JCAD: variants seen among roughly 807,000 people sequenced by gnomAD.
The protein encoded by JCAD is junctional cadherin 5 associated, also known as junctional cadherin 5-associated protein.
Under a neutral mutation model 98.0 loss-of-function variants are expected in JCAD, and 40 were observed. That is an observed-to-expected ratio of 0.41 (90% CI 0.32 to 0.53). JCAD has a LOEUF of 0.53. JCAD is among the 20% of genes least tolerant of loss of function. JCAD has a pLI of 0.31. For synonymous variants in JCAD, 691 were observed against 682.3 expected, an observed-to-expected ratio of 1.01 and a Z score of -0.20; for missense variants, 1,705 against 1,738.1, an observed-to-expected ratio of 0.98 and a Z score of 0.34.
At chr10:30,031,023 T>C (rs944886890) in intron 2 of JCAD, among the ~76,000 whole-genome samples, 2 of 151,134 alleles carry the variant, frequency 1.3e-5, no homozygotes, top group African/African-American at 4.9e-5. Context: ...ATGGTAAGCA[T>C]CACCCAGTGG....
At chr10:30,043,500 A>C (rs1837280813) in intron 2 of JCAD, among the ~76,000 whole-genome samples, 1 of 152,140 alleles carries the variant, frequency 6.6e-6, no homozygotes, top group Middle Eastern at 3.2e-3. Flanking sequence ...CCTTCCATGT[A>C]TGCTCCCTTT....
rs1307005544 is a variant in JCAD, at chr10:30,014,375, AT to A, written c.*3507del. ...AACAATGCTCCCCAACGCTAAAGTA[AT>A]TGCTTCTAAGAACTTAGGACATGGG... On this transcript the variant is annotated 3_prime_UTR_variant, in exon 4 of 4. Transcript: ENST00000375377. 1.3e-5 allele frequency: 2 copies of A among 152,202 alleles called. No individual in the cohort carries two copies. Among genetic ancestry groups the A allele is most frequent in the African/African-American group, 4.8e-5 (2 of 41,452 alleles). 9.4% of individuals were successfully genotyped at this position (152,202 alleles called of 1,614,324 possible). A position where few individuals can be genotyped will look rare whatever the true frequency, so the allele number is the denominator to read the frequency against.
rs1837276920 is a variant in JCAD at position 30,043,263 on chromosome 10, C to A, written c.281+4269G>T. Among the ~76,000 whole-genome samples the A allele has an allele frequency of 2.0e-5, 3 of 151,830 alleles. No individual in the cohort carries two copies. In the South Asian group the frequency reaches 6.2e-4, roughly 31 times the overall value. ...TGTATGCTCAAAAATCTCATCAAAG[C>A]TTCATGTTTGTGTTTTGTTTTTTTT... is the stretch of plus-strand genomic sequence containing the variant. On this transcript the variant is annotated intron_variant, in intron 2 of 3. Transcript: ENST00000375377.
At chr10:30,108,009 G>A (rs554983188) in intron 1 of JCAD, among the ~76,000 whole-genome samples, 1 of 152,166 alleles carries the variant, frequency 6.6e-6, no homozygotes, top group East Asian at 1.9e-4. Flanking sequence ...TATGTCAGGA[G>A]CCCTATCTTA....
chr10:30,055,077 A>G (rs1174287933), intron 1 of JCAD, among the ~76,000 whole-genome samples: 3 of 152,246 alleles, frequency 2.0e-5, no homozygotes, highest in African/African-American at 7.2e-5. Flanking sequence ...GCTCTAGTAT[A>G]TGGTACATGT....
At chr10:30,045,212 T>C (rs1450003746) in intron 2 of JCAD, among the ~76,000 whole-genome samples, 1 of 152,090 alleles carries the variant, frequency 6.6e-6, no homozygotes, top group Non-Finnish European at 1.5e-5. Context: ...GCGGCCACAC[T>C]GCCCACACAG....
chr10:30,101,319 G>T (rs7072779), intron 1 of JCAD, among the ~76,000 whole-genome samples: 1 of 152,168 alleles, frequency 6.6e-6, no homozygotes, highest in African/African-American at 2.4e-5. Context: ...TGAAGCAGGA[G>T]AATTTCTTGA....
intron 1 of JCAD, among the ~76,000 whole-genome samples, chr10:30,050,523 T>C (rs1837447335): frequency 6.6e-6 from 1 of 151,884 alleles, no homozygotes; most frequent in Admixed American, 6.6e-5. Flanking sequence ...TAAAAGCAAA[T>C]TGCACTGTAC....
At chr10:30,077,523 C>T (rs937914692) in intron 1 of JCAD, among the ~76,000 whole-genome samples, 1 of 152,184 alleles carries the variant, frequency 6.6e-6, no homozygotes, top group African/African-American at 2.4e-5. Context: ...ACCATCATGA[C>T]TATTCATTTC....
rs1159523198 is a variant in JCAD at position 30,082,866 on chromosome 10, A to AC, written n.129-13046_129-13045insG. On this transcript the variant is annotated intron_variant and non_coding_transcript_variant, in intron 1 of 2. Transcript: ENST00000465712. ...AACTCTGTCTCAAAAAAAAAAAAAA[A>AC]AAAAAAAAAAACAAAAAATTAGCTG... Among the ~76,000 whole-genome samples, 291 of 148,850 alleles carry AC rather than the reference A, an allele frequency of 2.0e-3. 1 individual carries two copies. Among genetic ancestry groups the AC allele is most frequent in the African/African-American group, 7.0e-3 (280 of 40,248 alleles).
intron 1 of JCAD, among the ~76,000 whole-genome samples, chr10:30,079,667 A>T (rs1472860679): frequency 6.6e-6 from 1 of 151,948 alleles, no homozygotes; most frequent in Non-Finnish European, 1.5e-5. Flanking sequence ...CAACGTGGCC[A>T]CTCCTACTGA....
rs931931413 is a variant in JCAD, at chr10:30,013,388, T to G, written c.*4495A>C. 1.3e-5 allele frequency: 2 copies of G among 152,210 alleles called. No homozygotes were observed. The highest frequency in any genetic ancestry group is 2.4e-5 in the African/African-American group (1 of 41,460). The allele number at this position is 152,210 out of a possible 1,614,324, so 9.4% of individuals were successfully genotyped here. A position where few individuals can be genotyped will look rare whatever the true frequency, so the allele number is the denominator to read the frequency against. On this transcript the variant is annotated 3_prime_UTR_variant, in exon 4 of 4. Coordinates refer to ENST00000375377, the MANE Select transcript of JCAD (RefSeq NM_020848.4). ...TTTAGAAGTCCCCCCGAGATGTTTC[T>G]GCTTAACTTCTCTGACAGGCCTGAC...
intron 1 of JCAD, among the ~76,000 whole-genome samples, chr10:30,092,054 A>ATATAT (rs1564469851): frequency 5.1e-4 from 13 of 25,688 alleles, no homozygotes; most frequent in African/African-American, 1.9e-3. Context: ...AAAAAAAAAA[A>ATATAT]AAAAAAAAAA....
chr10:30,070,124 G>A (rs547140637), intron 1 of JCAD, among the ~76,000 whole-genome samples: 1 of 152,240 alleles, frequency 6.6e-6, no homozygotes, highest in Admixed American at 6.5e-5. Flanking sequence ...GTGGTTTGGA[G>A]GAAGGCCACC....
chr10:30,109,121 A>G (rs1303689605), intron 1 of JCAD, among the ~76,000 whole-genome samples: 2 of 152,026 alleles, frequency 1.3e-5, no homozygotes, highest in Non-Finnish European at 2.9e-5. Flanking sequence ...ATGCTTGGTT[A>G]TCTTGATAAT....
At chr10:30,082,851 CAAAAAAAAAAAA>C (rs57450219) in intron 1 of JCAD, among the ~76,000 whole-genome samples, 6 of 68,392 alleles carry the variant, frequency 8.8e-5, no homozygotes, top group African/African-American at 2.8e-4. Context: ...AACTCTGTCT[CAAAAAAAAAAAA>C]AAAAAAAAAA....
rs1180148880 is a variant in JCAD, at chr10:30,014,097, ACC to A, written c.*3784_*3785del. ...CTTAGTGTGGTGGGTCCCAGAGTGG[ACC>A]AACCCACACTCCTGGAGAAGGACCT... On this transcript the variant is annotated 3_prime_UTR_variant, in exon 4 of 4. Transcript: ENST00000375377. 2 of 152,134 alleles carry A rather than the reference ACC, an allele frequency of 1.3e-5. No homozygotes were observed. The highest frequency in any genetic ancestry group is 2.9e-5 in the Non-Finnish European group (2 of 68,012). 9.4% of individuals were successfully genotyped at this position (152,134 alleles called of 1,614,324 possible).
Position 30,110,885 on chromosome 10 carries a change from C to A in JCAD, n.128+4482G>T, listed in dbSNP as rs575429202. Reference sequence around the variant, plus strand: ...TGATGTATAGACCCCAATGTATAGACCAGCTGATGTGTGAACATCCTGATG... The same window carrying A: ...TGATGTATAGACCCCAATGTATAGAACAGCTGATGTGTGAACATCCTGATG... On this transcript the variant is annotated intron_variant and non_coding_transcript_variant, in intron 1 of 2. Transcript: ENST00000465712. Among the ~76,000 whole-genome samples, 4 of 151,926 alleles carry A rather than the reference C, an allele frequency of 2.6e-5. No homozygotes were observed. The South Asian group carries it at 8.3e-4, about 32-fold the overall frequency.
intron 1 of JCAD, among the ~76,000 whole-genome samples, chr10:30,102,339 T>C (rs1170882655): frequency 6.6e-6 from 1 of 152,048 alleles, no homozygotes; most frequent in Admixed American, 6.6e-5. Context: ...GTCCGGCTAA[T>C]TTTTGTATTT....
Sources: gnomAD v4.1 joint callset for allele counts (sites outside exome capture counted in the v4.1 genomes callset) on GRCh38, gnomAD v4.1.1 for gene constraint, MANE v1.5 for transcripts, NCBI Gene and HGNC (gene_info 2026-07-23, HGNC 2026-07-21) for gene names.